STK38: variants seen among roughly 807,000 people sequenced by gnomAD.
The protein encoded by STK38 is serine/threonine kinase 38, also known as serine/threonine-protein kinase 38.
In STK38, 26 loss-of-function variants were observed where a neutral mutation model predicts 59.0. The observed-to-expected ratio is 0.44, with a 90% confidence interval of 0.32 to 0.61. The LOEUF (loss-of-function observed/expected upper bound fraction) is 0.61. Among genes scored for constraint, STK38 ranks in the 20% least tolerant of loss-of-function variants. The pLI is 0.04. For missense variants in STK38, 433 were observed against 566.0 expected (o/e 0.76, Z 2.38); for synonymous variants, 175 against 176.6 (o/e 0.99, Z 0.07).
chr6:36,514,215 C>CTGA (rs1777191150), intron 7 of STK38, among the ~76,000 whole-genome samples: 1 of 149,050 alleles, frequency 6.7e-6, no homozygotes, highest in Non-Finnish European at 1.5e-5. Context: ...ACTCAGGAGG[C>CTGA]TGAGGCAAGA....
chr6:36,540,960 G>A (rs1777922578), intron 1 of STK38, among the ~76,000 whole-genome samples: 2 of 151,670 alleles, frequency 1.3e-5, no homozygotes, highest in Admixed American at 1.3e-4. Context: ...GTGCAGTGGC[G>A]CGATCTCCGC....
At chr6:36,523,507 G>A (rs189722683) in intron 4 of STK38, among the ~76,000 whole-genome samples, 5 of 149,382 alleles carry the variant, frequency 3.3e-5, no homozygotes, top group Admixed American at 2.7e-4. Flanking sequence ...TGATCCGCCC[G>A]CCTTGGCCTC....
At chr6:36,512,461 G>A (rs775559556) in intron 7 of STK38, among the ~76,000 whole-genome samples, 4 of 152,182 alleles carry the variant, frequency 2.6e-5, no homozygotes, top group African/African-American at 4.8e-5. Flanking sequence ...ACACAAGGTA[G>A]GGCCAGTGCT....
intron 9 of STK38, among the ~76,000 whole-genome samples, chr6:36,502,306 G>A (rs576410222): frequency 7.3e-4 from 111 of 152,170 alleles, no homozygotes; most frequent in Middle Eastern, 6.8e-3. Flanking sequence ...GCATGGCTGG[G>A]ATCTTGTTTT....
chr6:36,521,459 G>C (rs1019155596), intron 5 of STK38, among the ~76,000 whole-genome samples: 3 of 151,616 alleles, frequency 2.0e-5, no homozygotes, highest in African/African-American at 7.3e-5. Flanking sequence ...CTCACAATAA[G>C]GACATCTTGT....
At chr6:36,510,224 C>G (rs1269334188) in intron 7 of STK38, among the ~76,000 whole-genome samples, 1 of 152,226 alleles carries the variant, frequency 6.6e-6, no homozygotes, top group Non-Finnish European at 1.5e-5. Context: ...CCCAGGTGCT[C>G]TCCTCCCCTG....
rs545117540 is a variant in STK38 at position 36,530,515 on chromosome 6, C to T, written c.132-4873G>A. Among the ~76,000 whole-genome samples the T allele has an allele frequency of 5.3e-5, 8 of 150,684 alleles. No individual in the cohort carries two copies. The South Asian group carries it at 1.7e-3, about 32-fold the overall frequency. ...GGATAGCTGGGATTACAGGTGCCCACCACCACGCCCAGCTAATTTTTGTAT... is the reference window on the plus strand; with the variant it reads ...GGATAGCTGGGATTACAGGTGCCCATCACCACGCCCAGCTAATTTTTGTAT... On this transcript the variant is annotated intron_variant, in intron 2 of 13. Transcript: ENST00000229812.
intron 7 of STK38, among the ~76,000 whole-genome samples, chr6:36,511,722 T>C (rs950779334): frequency 4.6e-5 from 7 of 152,058 alleles, no homozygotes; most frequent in African/African-American, 1.7e-4. Flanking sequence ...ATAGTTCTCA[T>C]GATTACATAT....
intron 2 of STK38, among the ~76,000 whole-genome samples, chr6:36,528,615 T>C (rs1006878368): frequency 6.6e-6 from 1 of 152,230 alleles, no homozygotes; most frequent in South Asian, 2.1e-4. Context: ...GAGAAAAGGC[T>C]GTACTCTTAG....
intron 9 of STK38, among the ~76,000 whole-genome samples, chr6:36,503,429 A>T (rs1776887224): frequency 7.0e-6 from 1 of 143,244 alleles, no homozygotes; most frequent in African/African-American, 2.9e-5. Context: ...CATATAGCTA[A>T]GTGTGTGTGT....
Position 36,517,857 on chromosome 6 carries a change from T to C in STK38, c.391-17A>G. ...GTGGCCAACCTGGAGGTATATGCAT[T>C]TGATTAATGACAAAGCTTGCTCTGC... On this transcript the variant is annotated splice_polypyrimidine_tract_variant and intron_variant, in intron 5 of 13. Transcript: ENST00000229812. The C allele has an allele frequency of 2.5e-6, 4 of 1,611,086 alleles. No individual in the cohort carries two copies. The highest frequency in any genetic ancestry group is 3.4e-6 in the Non-Finnish European group (4 of 1,178,766).
At chr6:36,517,019 TA>T (rs1777271536) in intron 6 of STK38, among the ~76,000 whole-genome samples, 2 of 152,214 alleles carry the variant, frequency 1.3e-5, no homozygotes, top group African/African-American at 4.8e-5. Context: ...GTTTCTTTAT[TA>T]AAAAGTATTG....
intron 2 of STK38, among the ~76,000 whole-genome samples, chr6:36,539,385 CA>C (rs11296767): frequency 0.3 from 32,715 of 108,940 alleles, 3,529 homozygotes; most frequent in East Asian, 0.45. Flanking sequence ...GATTCGATCT[CA>C]AAAAAAAAAA....
At chr6:36,518,295 C>T (rs998322345) in intron 5 of STK38, among the ~76,000 whole-genome samples, 5 of 152,202 alleles carry the variant, frequency 3.3e-5, no homozygotes, top group Admixed American at 2.6e-4. Flanking sequence ...TATGATACCA[C>T]AGCATTTAGT....
chr6:36,507,653 A>G, intron 7 of STK38, 51 bp from the exon 8 acceptor site: 1 of 1,363,432 alleles, frequency 7.3e-7, no homozygotes, highest in Non-Finnish European at 1.0e-6. Flanking sequence ...TGGAGGTAGA[A>G]CAGAACATTA....
Position 36,495,559 on chromosome 6 carries a change from G to T in STK38, c.*225C>A. On this transcript the variant is annotated 3_prime_UTR_variant, in exon 14 of 14. Transcript: ENST00000229812. ...TGGCTCATGATGCTTCTCTTCCAAAGCAGGATAGCTGTTTATGGCCGACGT... is the reference window on the plus strand; with the variant it reads ...TGGCTCATGATGCTTCTCTTCCAAATCAGGATAGCTGTTTATGGCCGACGT... 2.2e-6 allele frequency: 1 copy of T among 460,120 alleles called. No homozygotes were observed. Among genetic ancestry groups the T allele is most frequent in the Non-Finnish European group, 3.8e-6 (1 of 261,352 alleles). 28.5% of individuals were successfully genotyped at this position (460,120 alleles called of 1,614,324 possible).
intron 7 of STK38, 131 bp from the exon 8 acceptor site, chr6:36,507,733 A>C: frequency 1.7e-6 from 1 of 592,580 alleles, no homozygotes; most frequent in Admixed American, 2.9e-5. Flanking sequence ...TTATGATAGG[A>C]AAAATCATGT....
At chr6:36,506,839 A>G (rs1302030380) in intron 8 of STK38, among the ~76,000 whole-genome samples, 195 bp from the exon 9 acceptor site, 2 of 144,710 alleles carry the variant, frequency 1.4e-5, no homozygotes, top group Non-Finnish European at 3.1e-5. Context: ...CATTAACTTA[A>G]AAGACTCACA....
chr6:36,545,246 T>A (rs1261360896), intron 1 of STK38, among the ~76,000 whole-genome samples: 1 of 119,362 alleles, frequency 8.4e-6, no homozygotes, highest in Non-Finnish European at 1.6e-5. Flanking sequence ...TGAGCCAAGA[T>A]CACACCACTG....
Sources: allele counts gnomAD v4.1 joint callset (sites outside exome capture counted in the v4.1 genomes callset), GRCh38; gene constraint gnomAD v4.1.1; transcripts MANE v1.5; gene names NCBI Gene and HGNC (gene_info 2026-07-23, HGNC 2026-07-21).